Variants in TPM1 observed in about 807,000 individuals in gnomAD.
TPM1 encodes tropomyosin alpha-1 chain.
TPM1 carries 24 observed loss-of-function variants against 42.9 expected under a neutral mutation model. That is an observed-to-expected ratio of 0.56 (90% confidence interval 0.41 to 0.79). TPM1 has a LOEUF of 0.79. Ranked by LOEUF, TPM1 falls within the 30% of genes least tolerant of loss-of-function variation. The probability of loss-of-function intolerance (pLI) is 0.00; values close to 1 mark genes in which losing one functional copy is unlikely to be tolerated. For synonymous variants in TPM1, 136 were observed against 130.1 expected, an observed-to-expected ratio of 1.05 and a Z score of -0.31; for missense variants, 158 against 351.8, an observed-to-expected ratio of 0.45 and a Z score of 4.41.
chr15:63,042,965 C>A (rs1230404943), intron 1 of TPM1, 22 bp downstream of exon 1: 2 of 1,569,108 alleles, frequency 1.3e-6, no homozygotes, highest in African/African-American at 1.4e-5. Context: ...CCCGGCCCTG[C>A]GCCCGCGCCC....
At chr15:63,065,531 G>T (rs1202792168) in intron 9 of TPM1, 2 of 984,372 alleles carry the variant, frequency 2.0e-6, no homozygotes, top group East Asian at 1.1e-4. Context: ...TAAATGAGGG[G>T]GTGGAGCAGA....
chr15:63,053,062 C>T (rs1051599361), intron 2 of TPM1, among the ~76,000 whole-genome samples: 1 of 152,176 alleles, frequency 6.6e-6, no homozygotes, highest in Non-Finnish European at 1.5e-5. Flanking sequence ...GCCCCTCTGC[C>T]TGTCCTGCTC....
chr15:63,066,356 G>T (rs538230858), downstream of TPM1, among the ~76,000 whole-genome samples: 1 of 152,114 alleles, frequency 6.6e-6, no homozygotes, highest in African/African-American at 2.4e-5. Context: ...CATCTGGGGG[G>T]GTTTTGGGGG....
intron 2 of TPM1, chr15:63,044,822 T>C (rs1044218368): frequency 7.1e-5 from 11 of 155,478 alleles, no homozygotes; most frequent in African/African-American, 2.7e-4. Context: ...TTATATGGTA[T>C]AGTGAGCTAG....
downstream of TPM1, chr15:63,070,326 G>GTATATA (rs60393555): frequency 1.3e-5 from 9 of 668,894 alleles, no homozygotes; most frequent in South Asian, 1.6e-4. Flanking sequence ...GTGTGTGTGT[G>GTATATA]TATATATTCC....
intron 2 of TPM1, chr15:63,048,338 G>A (rs987116881): frequency 1.8e-6 from 2 of 1,116,494 alleles, no homozygotes; most frequent in African/African-American, 1.7e-5. Flanking sequence ...AGCCAGTCCC[G>A]GGATCCACGG....
chr15:63,048,396 A>G (rs1488412970), intron 2 of TPM1: 2 of 1,345,106 alleles, frequency 1.5e-6, no homozygotes, highest in Non-Finnish European at 1.9e-6. Flanking sequence ...TTGTCTGCGC[A>G]GCCCTGGAGG....
At chr15:63,070,290 GTATATA>G (rs1555411993), downstream of TPM1, 5 of 502,948 alleles carry the variant, frequency 9.9e-6, no homozygotes, top group Non-Finnish European at 1.1e-5. Context: ...CTTTAAGTAT[GTATATA>G]TATATATATA....
At chr15:63,052,701 G>A (rs897308269) in intron 2 of TPM1, among the ~76,000 whole-genome samples, 9 of 151,828 alleles carry the variant, frequency 5.9e-5, no homozygotes, top group African/African-American at 2.2e-4. Context: ...GGCAACAGCA[G>A]GTCCTTAAGA....
downstream of TPM1, chr15:63,070,691 A>T (rs1159183786): frequency 1.6e-5 from 16 of 1,013,774 alleles, no homozygotes; most frequent in Non-Finnish European, 1.9e-5. Context: ...CAACTCCCAG[A>T]CTTTTAACTG....
At chr15:63,048,255 A>G in intron 2 of TPM1, 1 of 518,446 alleles carries the variant, frequency 1.9e-6, no homozygotes, top group South Asian at 1.5e-5. Flanking sequence ...CGGAGCGCCC[A>G]GCTCACCAGG....
chr15:63,065,087 A>T, intron 9 of TPM1: 1 of 985,436 alleles, frequency 1.0e-6, no homozygotes, highest in South Asian at 4.7e-5. Flanking sequence ...ACCTGTGTCA[A>T]ATAAATGGGA....
chr15:63,055,154 G>A (rs2034577927), intron 2 of TPM1, among the ~76,000 whole-genome samples: 1 of 152,126 alleles, frequency 6.6e-6, no homozygotes, highest in African/African-American at 2.4e-5. Context: ...GTAATTCCTA[G>A]CTGGGTCCAT....
At chr15:63,045,310 C>T (rs1385087783) in intron 2 of TPM1, 5 of 152,068 alleles carry the variant, frequency 3.3e-5, no homozygotes, top group Non-Finnish European at 7.4e-5. Flanking sequence ...CATTTAGGAT[C>T]TGACAAAAAG....
intron 4 of TPM1, among the ~76,000 whole-genome samples, chr15:63,060,634 A>G (rs571251457): frequency 3.3e-5 from 5 of 152,338 alleles, no homozygotes; most frequent in Admixed American, 6.5e-5. Context: ...CAGACTTCCA[A>G]TTGAGACTGC....
chr15:63,056,550 C>G (rs773637056), intron 2 of TPM1: 26,253 of 221,024 alleles, frequency 0.12, 1,979 homozygotes, highest in Admixed American at 0.25. Flanking sequence ...GCCTGTAGTC[C>G]CAACTACTCG....
chr15:63,071,238 C>T (rs1278426502), exon 9 of TPM1: 84 of 1,476,730 alleles, frequency 5.7e-5, no homozygotes, highest in Admixed American at 1.4e-4. Context: ...ACCTGCTTAC[C>T]CCTTAAATGC....
chr15:63,069,730 AG>A (rs748077021), downstream of TPM1: 31 of 1,044,548 alleles, frequency 3.0e-5, no homozygotes, highest in Admixed American at 7.7e-5. Context: ...CTATGGGGTA[AG>A]AGTAAACTGC....
chr15:63,066,652 G>A (rs1218410411), downstream of TPM1, among the ~76,000 whole-genome samples: 1 of 152,148 alleles, frequency 6.6e-6, no homozygotes, highest in Non-Finnish European at 1.5e-5. Context: ...GGTTATTGTC[G>A]ATCATCCTTT....
Sources: gnomAD v4.1 joint callset for allele counts (sites outside exome capture counted in the v4.1 genomes callset) on GRCh38, gnomAD v4.1.1 for gene constraint, MANE v1.5 for transcripts, NCBI Gene and HGNC (gene_info 2026-07-23, HGNC 2026-07-21) for gene names.